The following MTREX variants were observed in gnomAD, a reference collection of about 807,000 sequenced individuals.
MTREX encodes the protein Mtr4 exosome RNA helicase.
In MTREX, 76 loss-of-function variants were observed where a neutral mutation model predicts 135.4. The observed-to-expected ratio is 0.56, with a 90% CI of 0.47 to 0.68. The LOEUF (loss-of-function observed/expected upper bound fraction) is 0.68. MTREX is among the 30% of genes least tolerant of loss of function. The pLI, the probability that MTREX is intolerant of heterozygous loss-of-function variation, is 0.00. For synonymous variants in MTREX, 404 were observed against 401.6 expected (o/e 1.01, Z -0.07); for missense variants, 920 against 1,262.1 (o/e 0.73, Z 4.11).
intron 21 of MTREX, among the ~76,000 whole-genome samples, chr5:55,404,735 TCTC>T (rs1475388040): frequency 6.6e-6 from 1 of 151,754 alleles, no homozygotes. Flanking sequence ...TCCAGCTCAC[TCTC>T]CTCCTTCTAG....
At chr5:55,328,217 G>A (rs1487614220) in intron 4 of MTREX, among the ~76,000 whole-genome samples, 1 of 152,084 alleles carries the variant, frequency 6.6e-6, no homozygotes, top group African/African-American at 2.4e-5. Flanking sequence ...AATAAAAAAG[G>A]CGGTATGGTA....
rs539558784 is a variant in MTREX at position 55,324,345 on chromosome 5, G to T, written c.339+147G>T. 22 of 392,416 alleles carry T rather than the reference G, an allele frequency of 5.6e-5. No individual in the cohort carries two copies. In the South Asian group the frequency reaches 1.9e-3, roughly 34 times the overall value. The allele number at this position is 392,416 out of a possible 1,614,324, so 24.3% of individuals were successfully genotyped here. A position where few individuals can be genotyped will look rare whatever the true frequency, so the allele number is the denominator to read the frequency against. ...TGGGGTACCTAGTGGAAGAGTTGGGGCTTTGTAATTAAACTTGGGTTCAGA... is the reference window on the plus strand; with the variant it reads ...TGGGGTACCTAGTGGAAGAGTTGGGTCTTTGTAATTAAACTTGGGTTCAGA... On this transcript the variant is annotated intron_variant, in intron 3 of 26. Coordinates refer to ENST00000230640, the MANE Select transcript of MTREX (RefSeq NM_015360.5).
At position 55,347,104 on chromosome 5, in the gene MTREX, A is replaced by G. The variant is rs967269371; in HGVS notation, c.1200A>G (p.Glu400=). ...IIFSFSKKDC[E]AYALQMTKLD... The stretch of plus-strand genomic sequence containing the variant: ...TCAGTTTTAGTAAGAAAGATTGTGA[A>G]GCCTATGCACTTCAAATGACCAAAT... The change falls in exon 11 of 27, where the codon GAA becomes GAG. Residue 400 remains glutamate (E), a synonymous_variant. Transcript: ENST00000230640. 6.2e-7 allele frequency: 1 copy of G among 1,608,928 alleles called. No homozygotes were observed. The highest frequency in any genetic ancestry group is 8.5e-7 in the Non-Finnish European group (1 of 1,177,438).
intron 4 of MTREX, among the ~76,000 whole-genome samples, 166 bp from the exon 5 acceptor site, chr5:55,328,533 G>T (rs1256953763): frequency 2.0e-5 from 3 of 152,090 alleles, no homozygotes; most frequent in Non-Finnish European, 4.4e-5. Flanking sequence ...CAAAAATGTA[G>T]TGTACTCTTC....
intron 22 of MTREX, among the ~76,000 whole-genome samples, chr5:55,406,944 A>G (rs537943022): frequency 1.3e-5 from 2 of 152,332 alleles, no homozygotes; most frequent in East Asian, 3.9e-4. Context: ...CTTAGGAGCC[A>G]GCTTGCCTCT....
chr5:55,356,533 C>T, intron 14 of MTREX: 2 of 201,588 alleles, frequency 9.9e-6, no homozygotes, highest in Non-Finnish European at 2.1e-5. Flanking sequence ...TGTCTCAGGG[C>T]CTGCAGTGTA....
chr5:55,346,929 A>T, intron 10 of MTREX, 84 bp from the exon 11 acceptor site: 1 of 1,149,002 alleles, frequency 8.7e-7, no homozygotes, highest in Non-Finnish European at 1.2e-6. Flanking sequence ...ATTTTCTCTT[A>T]AAAGTTTTAT....
At chr5:55,373,958 T>C (rs1292066498) in intron 16 of MTREX, among the ~76,000 whole-genome samples, 1 of 152,040 alleles carries the variant, frequency 6.6e-6, no homozygotes, top group East Asian at 1.9e-4. Context: ...GTTACTGTTA[T>C]GTAACATAAA....
intron 1 of MTREX, among the ~76,000 whole-genome samples, chr5:55,309,271 C>A (rs1371187571): frequency 6.6e-6 from 1 of 152,116 alleles, no homozygotes. Context: ...GAATATCAAG[C>A]AGAGGAGTTT....
chr5:55,425,270 G>C lies in MTREX; in HGVS notation c.*498G>C. On this transcript the variant is annotated 3_prime_UTR_variant, in exon 27 of 27. Coordinates refer to ENST00000230640, the MANE Select transcript of MTREX (RefSeq NM_015360.5). Reference sequence around the variant, plus strand: ...TGGTGTTTCATGCAGAGTTGTATGAGAGTCCTCCTCTTTTCTTTCTTTAAA... The same window carrying C: ...TGGTGTTTCATGCAGAGTTGTATGACAGTCCTCCTCTTTTCTTTCTTTAAA... 3 of 1,612,202 alleles carry C rather than the reference G, an allele frequency of 1.9e-6. No homozygotes were observed. The highest frequency in any genetic ancestry group is 1.1e-5 in the South Asian group (1 of 90,978).
Position 55,315,425 on chromosome 5 carries a change from A to G in MTREX, c.135-6902A>G, listed in dbSNP as rs1027451881. The stretch of plus-strand genomic sequence containing the variant: ...GTATGGTTTTATTTGTTACATGTGC[A>G]TCTGATCCGTTTTAAACCAGTGATT... On this transcript the variant is annotated intron_variant, in intron 1 of 26. Transcript: ENST00000230640. Among the ~76,000 whole-genome samples, 9 of 152,198 alleles carry G rather than the reference A, an allele frequency of 5.9e-5. No individual in the cohort carries two copies. In the South Asian group the frequency reaches 8.3e-4, roughly 14 times the overall value.
intron 22 of MTREX, among the ~76,000 whole-genome samples, chr5:55,408,953 A>G (rs1561211671): frequency 2.6e-5 from 1 of 38,572 alleles, no homozygotes; most frequent in Non-Finnish European, 7.9e-5. Flanking sequence ...TTATTTATTT[A>G]TTTATTTATT....
At chr5:55,370,208 C>A (rs958123483) in intron 16 of MTREX, among the ~76,000 whole-genome samples, 9 of 152,190 alleles carry the variant, frequency 5.9e-5, no homozygotes, top group Non-Finnish European at 1.3e-4. Flanking sequence ...TAGGCATGAG[C>A]CACTGTGCCT....
rs187332447 is a variant in MTREX at position 55,378,297 on chromosome 5, A to T, written c.1811-17A>T. ...GATGTATAACCTTTTAATTTTGTAC[A>T]TGTGTTCTATTTACAGAGGTAAAGA... On this transcript the variant is annotated splice_polypyrimidine_tract_variant and intron_variant, in intron 16 of 26. Coordinates refer to ENST00000230640, the MANE Select transcript of MTREX (RefSeq NM_015360.5). 2.0e-5 allele frequency: 32 copies of T among 1,565,576 alleles called. No homozygotes were observed. The highest frequency in any genetic ancestry group is 8.6e-7 in the Non-Finnish European group (1 of 1,163,610).
chr5:55,373,555 T>A (rs1032279320), intron 16 of MTREX, among the ~76,000 whole-genome samples: 5 of 152,202 alleles, frequency 3.3e-5, no homozygotes, highest in South Asian at 2.1e-4. Flanking sequence ...ATATTTTTTT[T>A]ATCTATTTTT....
intron 12 of MTREX, 24 bp from the exon 13 acceptor site, chr5:55,350,895 A>G (rs1463821219): frequency 6.5e-7 from 1 of 1,532,448 alleles, no homozygotes; most frequent in African/African-American, 1.4e-5. Context: ...TCATTATAAA[A>G]TCAGTGTTAT....
chr5:55,407,589 C>T (rs900669021), intron 22 of MTREX, among the ~76,000 whole-genome samples: 1 of 152,150 alleles, frequency 6.6e-6, no homozygotes, highest in African/African-American at 2.4e-5. Context: ...AAAACTGGGG[C>T]ATCATCCTAG....
chr5:55,373,190 A>G (rs529663294), intron 16 of MTREX, among the ~76,000 whole-genome samples: 1 of 145,402 alleles, frequency 6.9e-6, no homozygotes, highest in East Asian at 2.0e-4. Context: ...TTGTCTTATT[A>G]TAGGTCATAA....
Position 55,318,329 on chromosome 5 carries a change from T to C in MTREX, c.135-3998T>C, listed in dbSNP as rs551912297. 3.3e-5 allele frequency among the ~76,000 whole-genome samples: 5 copies of C among 152,308 alleles called. No homozygotes were observed. In the South Asian group the frequency reaches 8.3e-4, roughly 25 times the overall value. Reference sequence around the variant, plus strand: ...AAAGACACATGCATGTGGATGTTCATTGCAGCACTATTCACAATAGCAAAG... The same window carrying C: ...AAAGACACATGCATGTGGATGTTCACTGCAGCACTATTCACAATAGCAAAG... On this transcript the variant is annotated intron_variant, in intron 1 of 26. Coordinates refer to ENST00000230640, the MANE Select transcript of MTREX (RefSeq NM_015360.5).
Sources: gnomAD v4.1 joint callset for allele counts (sites outside exome capture counted in the v4.1 genomes callset) on GRCh38, gnomAD v4.1.1 for gene constraint, MANE v1.5 for transcripts, NCBI Gene and HGNC (gene_info 2026-07-23, HGNC 2026-07-21) for gene names.